The following DIS3L2 variants were observed in gnomAD, a reference collection of about 807,000 sequenced individuals.
The protein encoded by DIS3L2 is DIS3-like exonuclease 2.
In DIS3L2, 34 loss-of-function variants were observed where a neutral mutation model predicts 97.5. That is an observed-to-expected ratio of 0.35 (90% CI 0.27 to 0.46). The LOEUF is 0.46. Ranked by LOEUF, DIS3L2 falls within the 20% of genes least tolerant of loss-of-function variation. The pLI is 1.00. For synonymous variants in DIS3L2, 435 were observed against 445.2 expected (o/e 0.98, Z 0.29); for missense variants, 1,038 against 1,146.0 (o/e 0.91, Z 1.36).
At chr2:232,328,499 T>C (rs562845182) in intron 14 of DIS3L2, 3 of 151,730 alleles carry the variant, frequency 2.0e-5, no homozygotes, top group Non-Finnish European at 2.9e-5. Context: ...CAGGGCTCTC[T>C]CTCTCGGTGG....
chr2:232,220,776 T>G (rs1398656756), intron 10 of DIS3L2, among the ~76,000 whole-genome samples: 2 of 152,122 alleles, frequency 1.3e-5, no homozygotes, highest in Non-Finnish European at 2.9e-5. Context: ...CAGATAGATC[T>G]TAATGCCATG....
chr2:232,185,755 CAGG>C (rs1691413883), intron 9 of DIS3L2, among the ~76,000 whole-genome samples: 1 of 151,302 alleles, frequency 6.6e-6, no homozygotes, highest in Non-Finnish European at 1.5e-5. Context: ...GAGGGTAAAG[CAGG>C]AGAATTGCTT....
At chr2:232,174,421 A>G (rs1002380597) in intron 9 of DIS3L2, among the ~76,000 whole-genome samples, 1 of 151,832 alleles carries the variant, frequency 6.6e-6, no homozygotes, top group Admixed American at 6.6e-5. Context: ...CCCCGTCTCT[A>G]TTAAAAATAC....
chr2:232,063,380 T>C (rs545743683), intron 5 of DIS3L2, among the ~76,000 whole-genome samples: 4 of 152,342 alleles, frequency 2.6e-5, no homozygotes, highest in Admixed American at 2.0e-4. Context: ...AAACTGTGTA[T>C]GTGTGCATGT....
At chr2:232,144,502 A>G (rs748668259) in intron 8 of DIS3L2, among the ~76,000 whole-genome samples, 2 of 152,032 alleles carry the variant, frequency 1.3e-5, no homozygotes, top group Non-Finnish European at 2.9e-5. Flanking sequence ...TTTTATTTAG[A>G]TAATTTTGAT....
chr2:232,185,949 G>A lies in DIS3L2; in HGVS notation c.1124+22317G>A, dbSNP rs571367228. 3.3e-5 allele frequency among the ~76,000 whole-genome samples: 5 copies of A among 151,914 alleles called. No individual in the cohort carries two copies. In the East Asian group the frequency reaches 9.6e-4, roughly 29 times the overall value. ...CAATAAAATTGGAAATTGGAAAACG[G>A]TAGAGAAAATTGGTGAAACAAAAAG... On this transcript the variant is annotated intron_variant, in intron 9 of 20. Coordinates refer to ENST00000325385, the MANE Select transcript of DIS3L2 (RefSeq NM_152383.5).
chr2:232,234,086 C>T (rs1692868981), intron 10 of DIS3L2, among the ~76,000 whole-genome samples: 1 of 152,108 alleles, frequency 6.6e-6, no homozygotes, highest in Non-Finnish European at 1.5e-5. Context: ...GTTGTATCAT[C>T]TTGTTCTGGA....
chr2:232,155,229 C>G lies in DIS3L2; in HGVS notation c.951-8230C>G, dbSNP rs565066671. ...TATTCAGCCATCTTGGCTCCTCCCCCCTCCTTAATTTTCTAAAGGTCCAAT... is the reference window on the plus strand; with the variant it reads ...TATTCAGCCATCTTGGCTCCTCCCCGCTCCTTAATTTTCTAAAGGTCCAAT... On this transcript the variant is annotated intron_variant, in intron 8 of 20. Transcript: ENST00000325385. Among the ~76,000 whole-genome samples the G allele has an allele frequency of 1.0e-4, 6 of 57,392 alleles. No individual in the cohort carries two copies. In the East Asian group the frequency reaches 2.5e-3, roughly 24 times the overall value. The allele number at this position is 57,392 out of a possible 152,430, so 37.7% of individuals were successfully genotyped here.
At chr2:232,166,705 A>C (rs1690833554) in intron 9 of DIS3L2, among the ~76,000 whole-genome samples, 1 of 151,484 alleles carries the variant, frequency 6.6e-6, no homozygotes, top group Non-Finnish European at 1.5e-5. Flanking sequence ...ACAGAACGAG[A>C]CTCCATCAAC....
chr2:232,174,668 A>G (rs1211257010), intron 9 of DIS3L2, among the ~76,000 whole-genome samples: 2 of 150,950 alleles, frequency 1.3e-5, no homozygotes, highest in African/African-American at 4.9e-5. Context: ...AGTTCATGTC[A>G]TCTGCAAATA....
intron 6 of DIS3L2, among the ~76,000 whole-genome samples, chr2:232,103,719 A>G (rs555881593): frequency 4.3e-4 from 65 of 152,320 alleles, no homozygotes; most frequent in African/African-American, 1.4e-3. Context: ...AATAGTTACA[A>G]TAGCGTTGAG....
chr2:231,990,346 A>G (rs1056221419), intron 1 of DIS3L2, among the ~76,000 whole-genome samples: 1 of 152,118 alleles, frequency 6.6e-6, no homozygotes, highest in Non-Finnish European at 1.5e-5. Context: ...TCTCCCTAGA[A>G]TTTGTCTCCG....
intron 13 of DIS3L2, among the ~76,000 whole-genome samples, chr2:232,297,386 A>C (rs1373452693): frequency 6.6e-6 from 1 of 152,158 alleles, no homozygotes; most frequent in African/African-American, 2.4e-5. Context: ...ATGATAAGGG[A>C]GCAAGAAGGA....
chr2:232,207,523 G>A (rs1692063056), intron 9 of DIS3L2, among the ~76,000 whole-genome samples: 1 of 152,156 alleles, frequency 6.6e-6, no homozygotes, highest in Admixed American at 6.5e-5. Context: ...CTTTTATATA[G>A]TGGAACCAAA....
intron 8 of DIS3L2, among the ~76,000 whole-genome samples, chr2:232,155,480 T>C (rs955407305): frequency 6.6e-6 from 1 of 152,208 alleles, no homozygotes; most frequent in Non-Finnish European, 1.5e-5. Flanking sequence ...GTTCTTGTAT[T>C]TAGAAATCTT....
At chr2:232,124,448 A>G (rs566107032) in intron 6 of DIS3L2, among the ~76,000 whole-genome samples, 1 of 152,328 alleles carries the variant, frequency 6.6e-6, no homozygotes, top group Non-Finnish European at 1.5e-5. Flanking sequence ...TTTGAAGAGA[A>G]AAAGTCAGTG....
intron 6 of DIS3L2, among the ~76,000 whole-genome samples, chr2:232,127,564 T>G (rs542758346): frequency 1.3e-5 from 2 of 152,246 alleles, no homozygotes; most frequent in Non-Finnish European, 2.9e-5. Context: ...CCTGCTCTTA[T>G]CTTGCCCTGG....
intron 5 of DIS3L2, among the ~76,000 whole-genome samples, chr2:232,051,976 G>A (rs946635630): frequency 1.3e-5 from 2 of 151,158 alleles, no homozygotes; most frequent in African/African-American, 4.9e-5. Context: ...CTTCTATAAT[G>A]TTTCTTCATT....
At chr2:232,162,189 C>T (rs974003084) in intron 8 of DIS3L2, among the ~76,000 whole-genome samples, 3 of 152,106 alleles carry the variant, frequency 2.0e-5, no homozygotes, top group East Asian at 3.8e-4. Context: ...TTTTTGCTGT[C>T]TGGCTTTTTG....
Sources: allele counts gnomAD v4.1 joint callset (sites outside exome capture counted in the v4.1 genomes callset), GRCh38; gene constraint gnomAD v4.1.1; transcripts MANE v1.5; gene names NCBI Gene and HGNC (gene_info 2026-07-23, HGNC 2026-07-21).